MMP2: variants seen among roughly 807,000 people sequenced by gnomAD.
The protein encoded by MMP2 is matrix metallopeptidase 2, also known as 72 kDa type IV collagenase.
MMP2 carries 39 observed loss-of-function variants against 74.8 expected under a neutral mutation model. The ratio of observed to expected loss-of-function variants is 0.52; its 90% CI spans 0.40 to 0.68. The LOEUF is 0.68. Ranked by LOEUF, MMP2 falls within the 30% of genes least tolerant of loss-of-function variation. The pLI is 0.00. For synonymous variants in MMP2, 367 were observed against 339.8 expected (o/e 1.08, Z -0.88); for missense variants, 803 against 878.3 (o/e 0.91, Z 1.08).
chr16:55,485,007 T>A (rs532256856), intron 3 of MMP2, among the ~76,000 whole-genome samples: 1 of 152,102 alleles, frequency 6.6e-6, no homozygotes, highest in Non-Finnish European at 1.5e-5. Context: ...AGTGTGGTAA[T>A]GTGGGTATGT....
rs763005604 is a variant in MMP2 at position 55,485,635 on chromosome 16, G to C, written c.690G>C (p.Gly230=). Residue 230 remains glycine, a synonymous_variant, in exon 5 of 13, where the codon GGG becomes GGC. Transcript: ENST00000219070. The part of the protein sequence containing the change: ...VVRVKYGNAD[G]EYCKFPFLFN... Reference sequence around the variant, plus strand: ...GTGTGAAGTATGGGAACGCCGATGGGGAGTACTGCAAGTTCCCCTTCTTGT... The same window carrying C: ...GTGTGAAGTATGGGAACGCCGATGGCGAGTACTGCAAGTTCCCCTTCTTGT... 7 of 1,614,140 alleles carry C rather than the reference G, an allele frequency of 4.3e-6. No individual in the cohort carries two copies. Among genetic ancestry groups the C allele is most frequent in the Non-Finnish European group, 5.9e-6 (7 of 1,180,026 alleles).
Position 55,486,322 on chromosome 16 carries a change from C to CGT in MMP2, c.832+567_832+568dup, listed in dbSNP as rs35367564. 7.0e-3 allele frequency among the ~76,000 whole-genome samples: 902 copies of CGT among 127,982 alleles called. 8 individuals carry two copies. The highest frequency in any genetic ancestry group is 0.021 in the East Asian group (89 of 4,262). The allele number at this position is 127,982 out of a possible 152,430, so 84.0% of individuals were successfully genotyped here. Reference sequence around the variant, plus strand: ...GGTCCTGATGCTGCCTCTGCTAATGCGTGTGTGTGTGTGTGTGTGTGTGCC... The same window carrying CGT: ...GGTCCTGATGCTGCCTCTGCTAATGCGTGTGTGTGTGTGTGTGTGTGTGTGCC... On this transcript the variant is annotated intron_variant, in intron 5 of 12. Transcript: ENST00000219070.
chr16:55,498,244 A>G (rs1596824884), intron 10 of MMP2, 45 bp from the exon 11 acceptor site: 11 of 1,610,838 alleles, frequency 6.8e-6, no homozygotes, highest in Non-Finnish European at 9.3e-6. Flanking sequence ...AGGCTGGCCT[A>G]GGGCATGTCA....
rs1231584616 is a variant in MMP2 at position 55,485,367 on chromosome 16, G to A, written c.598G>A (p.Gly200Ser). ...GGCTCATGCCTTCGCCCCAGGCACT[G>A]GTGTTGGGGGAGACTCCCATTTTGA... ...LLAHAFAPGTGVGGDSHFDDD... is the reference protein window; with the variant it reads ...LLAHAFAPGTSVGGDSHFDDD... Residue 200 changes from glycine (G) to serine (S), a missense_variant, in exon 4 of 13, where the codon GGT becomes AGT. Transcript: ENST00000219070. 4.3e-6 allele frequency: 7 copies of A among 1,614,140 alleles called. No homozygotes were observed. The highest frequency in any genetic ancestry group is 5.1e-6 in the Non-Finnish European group (6 of 1,180,022).
intron 5 of MMP2, 148 bp from the exon 6 acceptor site, chr16:55,488,395 G>A: frequency 1.2e-6 from 1 of 803,220 alleles, no homozygotes; most frequent in Non-Finnish European, 2.0e-6. Flanking sequence ...CAGAGAAGCA[G>A]CTCCTTACCA....
intron 8 of MMP2, 93 bp downstream of exon 8, chr16:55,492,049 T>C: frequency 2.3e-6 from 3 of 1,298,708 alleles, no homozygotes; most frequent in Non-Finnish European, 3.3e-6. Context: ...ACCAGCAAGA[T>C]CTCATCCAGC....
At chr16:55,490,119 C>T (rs1293301051) in intron 7 of MMP2, among the ~76,000 whole-genome samples, 1 of 152,206 alleles carries the variant, frequency 6.6e-6, no homozygotes, top group Admixed American at 6.5e-5. Flanking sequence ...GGGGTCACTG[C>T]TCTTGTCTTC....
At chr16:55,499,254 G>A (rs1214734062) in intron 11 of MMP2, among the ~76,000 whole-genome samples, 1 of 151,992 alleles carries the variant, frequency 6.6e-6, no homozygotes, top group African/African-American at 2.4e-5. Context: ...TTTGAACCCT[G>A]GCATTCTGTC....
intron 1 of MMP2, chr16:55,480,592 T>G (rs1044060142): frequency 6.6e-6 from 1 of 152,430 alleles, no homozygotes; most frequent in African/African-American, 2.4e-5. Context: ...CTGGCCGCAG[T>G]GTTGCGTAAG....
intron 12 of MMP2, 110 bp from the exon 13 acceptor site, chr16:55,505,229 G>C: frequency 1.0e-6 from 1 of 954,590 alleles, no homozygotes; most frequent in East Asian, 2.4e-5. Context: ...CTCTCTTCTC[G>C]TTTAAAAGCT....
At chr16:55,483,226 T>C (rs1962154424) in intron 2 of MMP2, 91 bp downstream of exon 2, 4 of 1,010,878 alleles carry the variant, frequency 4.0e-6, no homozygotes, top group Non-Finnish European at 4.4e-6. Context: ...AGGGGATCCA[T>C]GAGGTGTCTT....
chr16:55,479,294 C>CGGT lies in MMP2; in HGVS notation c.-184_-183insTGG. On this transcript the variant is annotated 5_prime_UTR_variant, in exon 1 of 13. Coordinates refer to ENST00000219070, the MANE Select transcript of MMP2 (RefSeq NM_004530.6). ...CCAGGACCTGCGGCGGCGGCGGCGGCGGCGGGGGCTGGGGCGCGGGGGCCG... is the reference window on the plus strand; with the variant it reads ...CCAGGACCTGCGGCGGCGGCGGCGGCGGTGGCGGGGGCTGGGGCGCGGGGGCCG... 1 of 534,496 alleles carries CGGT rather than the reference C, an allele frequency of 1.9e-6. No individual in the cohort carries two copies. Among genetic ancestry groups the CGGT allele is most frequent in the Non-Finnish European group, 2.7e-6 (1 of 364,718 alleles). The allele number at this position is 534,496 out of a possible 1,614,324, so 33.1% of individuals were successfully genotyped here.
intron 7 of MMP2, among the ~76,000 whole-genome samples, chr16:55,490,852 A>T (rs1962386861): frequency 6.6e-6 from 1 of 152,142 alleles, no homozygotes; most frequent in Admixed American, 6.5e-5. Flanking sequence ...TCAGTGGCTC[A>T]CCCAGGGTGA....
intron 1 of MMP2, chr16:55,479,938 G>A: frequency 3.9e-6 from 1 of 259,444 alleles, no homozygotes; most frequent in Non-Finnish European, 7.1e-6. Context: ...GGACTCTTAT[G>A]TAAATAGCGG....
intron 9 of MMP2, among the ~76,000 whole-genome samples, chr16:55,493,704 A>T (rs1962469649): frequency 6.6e-6 from 1 of 152,230 alleles, no homozygotes; most frequent in South Asian, 2.1e-4. Context: ...CAATCCCAAG[A>T]CCTACCCTAG....
rs375332220 is a variant in MMP2 at position 55,483,144 on chromosome 16, G to T, written c.380+9G>T. The T allele has an allele frequency of 4.1e-5, 66 of 1,610,468 alleles. 1 individual carries two copies. Among genetic ancestry groups the T allele is most frequent in the Non-Finnish European group, 5.3e-5 (62 of 1,176,980 alleles). On this transcript the variant is annotated intron_variant, in intron 2 of 12. Transcript: ENST00000219070. ...AACCAGATCACATACAGGTGCCGGG[G>T]CAGGGCTTGGGGAGGCAGGGCCATG...
At position 55,483,944 on chromosome 16, in the gene MMP2, C is replaced by A. The variant is rs527243081; in HGVS notation, c.381-72C>A. 8.4e-4 allele frequency: 1,283 copies of A among 1,524,228 alleles called. 17 individuals are homozygous for A. In the South Asian group the frequency reaches 0.014, roughly 16 times the overall value. The allele number at this position is 1,524,228 out of a possible 1,614,324, so 94.4% of individuals were successfully genotyped here. A position where few individuals can be genotyped will look rare whatever the true frequency, so the allele number is the denominator to read the frequency against. ...TCAAACTTTTTCATACATCTGTGCA[C>A]ACACACATACTTGCATATACATACA... On this transcript the variant is annotated intron_variant, in intron 2 of 12. Coordinates refer to ENST00000219070, the MANE Select transcript of MMP2 (RefSeq NM_004530.6).
At chr16:55,490,609 T>C (rs1336039285) in intron 7 of MMP2, among the ~76,000 whole-genome samples, 1 of 152,208 alleles carries the variant, frequency 6.6e-6, no homozygotes, top group Non-Finnish European at 1.5e-5. Flanking sequence ...TGGCCCATAA[T>C]GGCCAGGTCA....
At chr16:55,493,902 T>C (rs1363288073) in intron 9 of MMP2, among the ~76,000 whole-genome samples, 1 of 152,194 alleles carries the variant, frequency 6.6e-6, no homozygotes, top group Non-Finnish European at 1.5e-5. Context: ...GTGGTATTCT[T>C]CATGCTATAG....
Sources: allele counts gnomAD v4.1 joint callset (sites outside exome capture counted in the v4.1 genomes callset), GRCh38; gene constraint gnomAD v4.1.1; transcripts MANE v1.5; gene names NCBI Gene and HGNC (gene_info 2026-07-23, HGNC 2026-07-21).